Variants in NPC1 observed in about 807,000 individuals in gnomAD.
The protein encoded by NPC1 is NPC intracellular cholesterol transporter 1.
NPC1 carries 85 observed loss-of-function variants against 140.4 expected under a neutral mutation model. That is an observed-to-expected ratio of 0.61 (90% CI 0.51 to 0.72). NPC1 has a LOEUF of 0.72. Among genes scored for constraint, NPC1 ranks in the 30% least tolerant of loss-of-function variants. The pLI is 0.00. For synonymous variants in NPC1, 656 were observed against 624.8 expected (o/e 1.05, Z -0.74); for missense variants, 1,504 against 1,623.8 (o/e 0.93, Z 1.27).
chr18:23,539,340 T>A lies in NPC1; in HGVS notation c.2911+15A>T. ...TTTCAGCAAAACAGGAAAGATTTGGTAAAGGAGAAGGTACCTGAAGCATTG... is the reference window on the plus strand; with the variant it reads ...TTTCAGCAAAACAGGAAAGATTTGGAAAAGGAGAAGGTACCTGAAGCATTG... On this transcript the variant is annotated intron_variant, in intron 19 of 24. Coordinates refer to ENST00000269228, the MANE Select transcript of NPC1 (RefSeq NM_000271.5). 6.4e-7 allele frequency: 1 copy of A among 1,572,770 alleles called. No individual in the cohort carries two copies. The highest frequency in any genetic ancestry group is 1.1e-5 in the South Asian group (1 of 90,002).
chr18:23,534,666 AGAG>A, intron 22 of NPC1, 107 bp from the exon 23 acceptor site: 1 of 840,246 alleles, frequency 1.2e-6, no homozygotes, highest in Non-Finnish European at 2.0e-6. Context: ...CCTGGGTGCT[AGAG>A]GAGGCCAAGC....
At position 23,580,184 on chromosome 18, in the gene NPC1, C is replaced by T. The variant is rs180718894; in HGVS notation, c.57+6103G>A. Among the ~76,000 whole-genome samples the T allele has an allele frequency of 2.9e-3, 438 of 152,278 alleles. 4 individuals are homozygous for T. Among genetic ancestry groups the T allele is most frequent in the South Asian group, 0.024 (117 of 4,820 alleles). On this transcript the variant is annotated intron_variant, in intron 1 of 24. Transcript: ENST00000269228. The stretch of plus-strand genomic sequence containing the variant: ...TATGCAGTAGCACAGCAGAATTTTA[C>T]AGGTAAGTGAACTCAGGCTCAAAGA...
chr18:23,523,543 C>CAAAAAAAAAAA (rs374224848), intron 1 of NPC1, among the ~76,000 whole-genome samples: 63 of 76,336 alleles, frequency 8.3e-4, no homozygotes, highest in Middle Eastern at 7.0e-3. Flanking sequence ...CTTGTCTTCA[C>CAAAAAAAAAAA]AAAAAAAAAA....
At chr18:23,507,925 T>C in intron 3 of NPC1, 1 of 1,505,958 alleles carries the variant, frequency 6.6e-7, no homozygotes, top group African/African-American at 1.4e-5. Flanking sequence ...TATGCCAACG[T>C]AGGTTGGCAG....
rs746872141 is a variant in NPC1, at chr18:23,534,469, C to A, written c.3568G>T (p.Ala1190Ser). Reference protein sequence around the residue: ...KGSRVERAEEALAHMGSSVFS... With the variant: ...KGSRVERAEESLAHMGSSVFS... Reference sequence around the variant, plus strand: ...ACGGAGCTGCCCATGTGGGCAAGTGCCTCTTCCGCGCGCTCCACGCGGCTG... The same window carrying A: ...ACGGAGCTGCCCATGTGGGCAAGTGACTCTTCCGCGCGCTCCACGCGGCTG... The change falls in exon 23 of 25, where the codon GCA becomes TCA. Residue 1190 changes from alanine (A) to serine (S), a missense_variant. Coordinates refer to ENST00000269228, the MANE Select transcript of NPC1 (RefSeq NM_000271.5). The A allele has an allele frequency of 6.2e-7, 1 of 1,613,736 alleles. No individual in the cohort carries two copies.
In NPC1 at chr18:23,511,417, C is replaced by G. The variant is rs2057854229; in HGVS notation, c.432-4775G>C. Among the ~76,000 whole-genome samples, 3 of 152,292 alleles carry G rather than the reference C, an allele frequency of 2.0e-5. No homozygotes were observed. The South Asian group carries it at 6.2e-4, about 32-fold the overall frequency. On this transcript the variant is annotated intron_variant, in intron 3 of 3. Coordinates refer to the NPC1 transcript ENST00000591107. ...GTGATGAAATAATCTGTACCACAAA[C>G]CCCGTGACATGAGTTTACGTATGTA... is the stretch of plus-strand genomic sequence containing the variant.
chr18:23,568,914 T>A lies in NPC1; in HGVS notation c.372A>T (p.Thr124=), dbSNP rs748125983. The A allele has an allele frequency of 6.8e-6, 11 of 1,613,770 alleles. No homozygotes were observed. In the East Asian group the frequency reaches 2.2e-4, roughly 33 times the overall value. Residue 124 remains threonine, a synonymous_variant, in exon 4 of 25, where the codon ACA becomes ACT. Coordinates refer to ENST00000269228, the MANE Select transcript of NPC1 (RefSeq NM_000271.5). ...SPRQSQFLNV[T]ATEDYVDPVT... is the part of the protein sequence containing the mutation. ...CAGGATCAACATAATCTTCAGTAGCTGTAACATTCAAAAACTGACTCTGTC... is the reference window on the plus strand; with the variant it reads ...CAGGATCAACATAATCTTCAGTAGCAGTAACATTCAAAAACTGACTCTGTC...
downstream of NPC1, chr18:23,518,808 AT>A: frequency 4.0e-6 from 5 of 1,260,496 alleles, no homozygotes; most frequent in African/African-American, 1.5e-5. Flanking sequence ...ATATCTTATA[AT>A]TTACTTAACC....
At chr18:23,570,477 T>C (rs961353988) in intron 3 of NPC1, among the ~76,000 whole-genome samples, 2 of 152,344 alleles carry the variant, frequency 1.3e-5, no homozygotes, top group African/African-American at 2.4e-5. Context: ...GCCTCAACTT[T>C]TGTTGTTCTG....
intron 10 of NPC1, among the ~76,000 whole-genome samples, chr18:23,549,622 G>C (rs1220047935): frequency 1.3e-5 from 2 of 151,772 alleles, no homozygotes; most frequent in African/African-American, 4.8e-5. Context: ...CTGGACAACA[G>C]AGCAAGACTC....
intron 10 of NPC1, among the ~76,000 whole-genome samples, chr18:23,549,908 A>AT (rs1474717377): frequency 1.3e-5 from 2 of 151,072 alleles, no homozygotes; most frequent in Non-Finnish European, 2.9e-5. Flanking sequence ...CGTGTGGCTA[A>AT]TTTTTTTTGT....
chr18:23,574,525 A>C (rs1159082086), intron 1 of NPC1, among the ~76,000 whole-genome samples: 2 of 152,236 alleles, frequency 1.3e-5, no homozygotes, highest in African/African-American at 4.8e-5. Context: ...CACACAGGCA[A>C]GAAGCTAAGT....
chr18:23,583,106 CAAAAA>C (rs3083464), intron 1 of NPC1, among the ~76,000 whole-genome samples: 6 of 110,010 alleles, frequency 5.5e-5, no homozygotes, highest in South Asian at 3.1e-4. Flanking sequence ...GACCCTGTTT[CAAAAA>C]AAAAAAAAAA....
Position 23,571,973 on chromosome 18 carries a change from AAT to A in NPC1, c.287+99_287+100del, listed in dbSNP as rs993166950. 1.2e-5 allele frequency: 7 copies of A among 599,928 alleles called. No homozygotes were observed. In the Admixed American group the frequency reaches 1.7e-4, roughly 15 times the overall value. The allele number at this position is 599,928 out of a possible 1,614,324, so 37.2% of individuals were successfully genotyped here. On this transcript the variant is annotated intron_variant, in intron 3 of 24. Transcript: ENST00000269228. ...TAATATACATATAATATAGACATAT[AAT>A]AAATAAAAATATGTAAACAAAGAAT... is the stretch of plus-strand genomic sequence containing the variant.
intron 3 of NPC1, among the ~76,000 whole-genome samples, chr18:23,512,090 G>A (rs1296243778): frequency 1.3e-5 from 2 of 148,672 alleles, no homozygotes; most frequent in African/African-American, 5.0e-5. Flanking sequence ...GTGCGATCTC[G>A]GCTCACGGCA....
At chr18:23,565,240 T>C (rs13381035) in intron 4 of NPC1, among the ~76,000 whole-genome samples, 6,431 of 152,326 alleles carry the variant, frequency 0.042, 418 homozygotes, top group African/African-American at 0.15. Context: ...TATAAAACAA[T>C]TTGGAGAATA....
intron 19 of NPC1, 78 bp from the exon 20 acceptor site, chr18:23,538,749 G>A (rs972238983): frequency 1.4e-6 from 2 of 1,436,668 alleles, no homozygotes; most frequent in African/African-American, 2.8e-5. Context: ...AATACTGACA[G>A]TGAGGGGCAT....
At chr18:23,508,135 A>C in intron 3 of NPC1, 2 of 1,154,448 alleles carry the variant, frequency 1.7e-6, no homozygotes, top group Non-Finnish European at 2.4e-6. Context: ...CAGGGAGCAC[A>C]GACTTGAAGT....
exon 2 of NPC1, chr18:23,522,494 A>C (rs2058169077): frequency 6.6e-6 from 1 of 152,156 alleles, no homozygotes; most frequent in Admixed American, 6.5e-5. Context: ...ATATTTTTTA[A>C]GCTCATCAGC....
Sources: gnomAD v4.1 joint callset for allele counts (sites outside exome capture counted in the v4.1 genomes callset) on GRCh38, gnomAD v4.1.1 for gene constraint, MANE v1.5 for transcripts, NCBI Gene and HGNC (gene_info 2026-07-23, HGNC 2026-07-21) for gene names.